The following ATP2C1 variants were observed in gnomAD, a reference collection of about 807,000 sequenced individuals.
ATP2C1 encodes ATPase secretory pathway Ca2+ transporting 1.
In ATP2C1, 31 loss-of-function variants were observed where a neutral mutation model predicts 120.5. The observed-to-expected ratio is 0.26, with a 90% CI of 0.19 to 0.35. ATP2C1 has a LOEUF of 0.35. Among genes scored for constraint, ATP2C1 ranks in the 10% least tolerant of loss-of-function variants. ATP2C1 has a pLI of 1.00. For synonymous variants in ATP2C1, 351 were observed against 358.7 expected (o/e 0.98, Z 0.24); for missense variants, 731 against 1,107.5 (o/e 0.66, Z 4.83).
intron 2 of ATP2C1, among the ~76,000 whole-genome samples, chr3:130,925,746 C>T (rs963608570): frequency 6.7e-6 from 1 of 149,738 alleles, no homozygotes; most frequent in Non-Finnish European, 1.5e-5. Flanking sequence ...GAGGTGGGGG[C>T]AGGAATAGGG....
intron 1 of ATP2C1, among the ~76,000 whole-genome samples, chr3:130,853,355 G>A (rs923305728): frequency 6.6e-5 from 10 of 152,132 alleles, no homozygotes; most frequent in African/African-American, 2.4e-4. Context: ...GGAATTAAAA[G>A]GTAGATAATG....
chr3:130,969,088 A>G (rs996466869), intron 16 of ATP2C1, among the ~76,000 whole-genome samples: 4 of 152,220 alleles, frequency 2.6e-5, no homozygotes, highest in East Asian at 1.9e-4. Context: ...GCCTTAGACT[A>G]TATCTACATA....
rs751936370 is a variant in ATP2C1, at chr3:131,014,127, C to A, written c.2630-2025C>A. ...CATTAACAACCCAAACCGGTTGTTT[C>A]CCTCATACCAACACTTGGTGTGTGC... On this transcript the variant is annotated intron_variant, in intron 26 of 26. Transcript: ENST00000328560. 9 of 1,612,364 alleles carry A rather than the reference C, an allele frequency of 5.6e-6. No homozygotes were observed. In the South Asian group the frequency reaches 7.7e-5, roughly 14 times the overall value.
At chr3:130,876,387 T>G (rs1417789930) in intron 1 of ATP2C1, among the ~76,000 whole-genome samples, 1 of 152,194 alleles carries the variant, frequency 6.6e-6, no homozygotes, top group African/African-American at 2.4e-5. Context: ...AAGGATGTTC[T>G]TTCACTAGTG....
chr3:130,894,149 T>TGGGCCGCC lies in ATP2C1; in HGVS notation c.-369_-368insGGGCCGCC. The TGGGCCGCC allele has an allele frequency of 1.4e-6, 1 of 694,858 alleles. No homozygotes were observed. Among genetic ancestry groups the TGGGCCGCC allele is most frequent in the Non-Finnish European group, 1.8e-6 (1 of 565,212 alleles). 43.0% of individuals were successfully genotyped at this position (694,858 alleles called of 1,614,324 possible). ...ACGGGTCCCCTCACCTCCTCTTCTC[T>TGGGCCGCC]CCCCTCCCCGCCCGCCCTCTCTCCC... On this transcript the variant is annotated 5_prime_UTR_variant, in exon 1 of 28. Transcript: ENST00000510168. This position sits in a 1 kb window ranked among gnomAD's most constrained non-coding sequence, Gnocchi z 4.5.
In ATP2C1 at chr3:130,930,456, C is replaced by T; in HGVS notation, c.47C>T (p.Thr16Ile). The change falls in exon 3 of 28, where the codon ACA becomes ATA. Residue 16 changes from threonine to isoleucine, a missense_variant. Physicochemically the swap from Thr to Ile is moderately conservative, Grantham distance 89. Coordinates refer to ENST00000510168, the MANE Select transcript of ATP2C1 (RefSeq NM_001378687.1). ...FQKIPNGENETMIPVLTSKKA... is the reference protein window; with the variant it reads ...FQKIPNGENEIMIPVLTSKKA... The stretch of plus-strand genomic sequence containing the variant: ...AAAATACCTAATGGTGAAAATGAGA[C>T]AATGATTCCTGTATTGACATCAAAA... The T allele has an allele frequency of 6.2e-7, 1 of 1,613,376 alleles. No homozygotes were observed. The highest frequency in any genetic ancestry group is 1.1e-5 in the South Asian group (1 of 91,062).
intron 18 of ATP2C1, among the ~76,000 whole-genome samples, chr3:130,978,046 A>G (rs539260345): frequency 6.6e-6 from 1 of 152,292 alleles, no homozygotes; most frequent in East Asian, 1.9e-4. Context: ...CCTCTAGACT[A>G]GTGCCACCCC....
rs2062952217 is a variant in ATP2C1, at chr3:131,002,796, G to A, written c.*1446G>A. ...TAGCACTGAAATATTGTCATTGATAGGGAAAATATCTATTCTTTGAGTCAT... is the reference window on the plus strand; with the variant it reads ...TAGCACTGAAATATTGTCATTGATAAGGAAAATATCTATTCTTTGAGTCAT... On this transcript the variant is annotated 3_prime_UTR_variant, in exon 28 of 28. Transcript: ENST00000510168. The A allele has an allele frequency of 3.0e-6, 3 of 985,600 alleles. No individual in the cohort carries two copies. The highest frequency in any genetic ancestry group is 3.6e-6 in the Non-Finnish European group (3 of 829,906). 61.1% of individuals were successfully genotyped at this position (985,600 alleles called of 1,614,324 possible). A position where few individuals can be genotyped will look rare whatever the true frequency, so the allele number is the denominator to read the frequency against.
chr3:130,865,091 G>A (rs1199807457), intron 1 of ATP2C1, among the ~76,000 whole-genome samples: 1 of 152,174 alleles, frequency 6.6e-6, no homozygotes. Context: ...ACCCTGCAAA[G>A]CCACAGGGGT....
intron 26 of ATP2C1, among the ~76,000 whole-genome samples, chr3:130,999,316 A>G (rs989500660): frequency 1.3e-5 from 2 of 152,202 alleles, no homozygotes; most frequent in African/African-American, 4.8e-5. Context: ...TTGATAAATA[A>G]AATAAAAGCT....
chr3:130,854,790 G>C (rs1441699029), intron 1 of ATP2C1, among the ~76,000 whole-genome samples: 1 of 152,184 alleles, frequency 6.6e-6, no homozygotes, highest in Non-Finnish European at 1.5e-5. Context: ...CTCCTTGGGT[G>C]AGTTCTTCTA....
intron 2 of ATP2C1, among the ~76,000 whole-genome samples, chr3:130,912,207 C>T (rs1472929327): frequency 1.6e-4 from 20 of 126,214 alleles, no homozygotes; most frequent in Non-Finnish European, 2.6e-4. Context: ...GACTTCATGT[C>T]CAAAACACCA....
exon 27 of ATP2C1, chr3:131,016,496 A>G: frequency 2.6e-6 from 2 of 779,746 alleles, no homozygotes; most frequent in Non-Finnish European, 4.0e-6. Flanking sequence ...TGCTGTATAA[A>G]TTGAAATATT....
chr3:130,896,119 A>G (rs1489939758), intron 2 of ATP2C1, among the ~76,000 whole-genome samples: 1 of 152,252 alleles, frequency 6.6e-6, no homozygotes, highest in Non-Finnish European at 1.5e-5. Flanking sequence ...TGGTAGAAAC[A>G]TCTTAAATAA....
In ATP2C1 at chr3:130,964,936, T is replaced by C. The variant is rs752727089; in HGVS notation, c.1025-12T>C. 2.5e-6 allele frequency: 4 copies of C among 1,598,874 alleles called. No homozygotes were observed. The highest frequency in any genetic ancestry group is 1.7e-5 in the Admixed American group (1 of 59,798). Reference sequence around the variant, plus strand: ...GATTCTTTTGGTGACTTGTAATGATTTAATTCTTTAGGCTGCTGTAATGTG... The same window carrying C: ...GATTCTTTTGGTGACTTGTAATGATCTAATTCTTTAGGCTGCTGTAATGTG... On this transcript the variant is annotated splice_polypyrimidine_tract_variant and intron_variant, in intron 13 of 27. Transcript: ENST00000510168.
intron 8 of ATP2C1, among the ~76,000 whole-genome samples, chr3:130,945,689 A>C (rs908341061): frequency 2.6e-5 from 4 of 152,266 alleles, no homozygotes; most frequent in East Asian, 3.9e-4. Flanking sequence ...TACAAAGGAC[A>C]AGAACTCATC....
chr3:130,878,530 C>G (rs1297927851), intron 1 of ATP2C1, among the ~76,000 whole-genome samples: 1 of 152,066 alleles, frequency 6.6e-6, no homozygotes, highest in Non-Finnish European at 1.5e-5. Flanking sequence ...ATGACATTGT[C>G]CTTTAGCTTC....
chr3:130,899,364 A>G (rs187213273), intron 2 of ATP2C1: 21 of 152,310 alleles, frequency 1.4e-4, no homozygotes, highest in African/African-American at 5.1e-4. Flanking sequence ...TATGTATTAT[A>G]TACTGTATTC....
At chr3:130,989,587 A>G (rs2062214146) in intron 20 of ATP2C1, among the ~76,000 whole-genome samples, 1 of 150,952 alleles carries the variant, frequency 6.6e-6, no homozygotes, top group Admixed American at 6.6e-5. Context: ...AAAAAAACAC[A>G]AACCCTAAAG....
Sources: allele counts gnomAD v4.1 joint callset (sites outside exome capture counted in the v4.1 genomes callset), GRCh38; gene constraint gnomAD v4.1.1; non-coding constraint Gnocchi (gnomAD v3.1); transcripts MANE v1.5; gene names NCBI Gene and HGNC (gene_info 2026-07-23, HGNC 2026-07-21).